DPY19L2: variants seen among roughly 807,000 people sequenced by gnomAD.
DPY19L2 encodes dpy-19 like 2, also known as probable C-mannosyltransferase DPY19L2.
Under a neutral mutation model 97.9 loss-of-function variants are expected in DPY19L2, and 34 were observed. The observed-to-expected ratio is 0.35, with a 90% confidence interval of 0.26 to 0.46. DPY19L2 has a LOEUF of 0.46. Among genes scored for constraint, DPY19L2 ranks in the 20% least tolerant of loss-of-function variants. The pLI, the probability that DPY19L2 is intolerant of heterozygous loss-of-function variation, is 1.00. For synonymous variants in DPY19L2, 230 were observed against 307.9 expected (o/e 0.75, Z 2.65); for missense variants, 623 against 911.4 (o/e 0.68, Z 4.07).
intron 16 of DPY19L2, among the ~76,000 whole-genome samples, chr12:63,588,362 C>G (rs1478938779): frequency 6.6e-6 from 1 of 152,088 alleles, no homozygotes; most frequent in Non-Finnish European, 1.5e-5. Context: ...AACAACAAAG[C>G]CTGGATGACA....
intron 10 of DPY19L2, 38 bp from the exon 11 acceptor site, chr12:63,617,428 C>T (rs1888034824): frequency 2.9e-6 from 4 of 1,382,608 alleles, no homozygotes; most frequent in Non-Finnish European, 4.0e-6. Context: ...ATGGTTATTA[C>T]ATATATTGGC....
intron 3 of DPY19L2, among the ~76,000 whole-genome samples, chr12:63,662,051 T>G (rs1175339601): frequency 6.6e-6 from 1 of 152,156 alleles, no homozygotes; most frequent in Non-Finnish European, 1.5e-5. Flanking sequence ...ACAAACGCTA[T>G]GTACTAAAAA....
chr12:63,629,438 A>G lies in DPY19L2; in HGVS notation c.804-2912T>C, dbSNP rs947857755. Among the ~76,000 whole-genome samples, 6 of 152,212 alleles carry G rather than the reference A, an allele frequency of 3.9e-5. 1 individual carries two copies. The highest frequency in any genetic ancestry group is 8.8e-5 in the Non-Finnish European group (6 of 68,024). On this transcript the variant is annotated intron_variant, in intron 6 of 21. Transcript: ENST00000324472. ...ACGAATGCACAAGCCTCAGTAGCCA[A>G]TTCGATCAACTGGAAGAAAGGGTAT...
intron 9 of DPY19L2, among the ~76,000 whole-genome samples, chr12:63,620,380 T>C (rs1466937786): frequency 1.3e-5 from 2 of 152,126 alleles, no homozygotes; most frequent in Non-Finnish European, 2.9e-5. Context: ...AAGAGCAGGA[T>C]TGGCCCTTGG....
chr12:63,639,102 GAA>G (rs1339116863), intron 6 of DPY19L2, among the ~76,000 whole-genome samples: 1 of 152,144 alleles, frequency 6.6e-6, no homozygotes, highest in East Asian at 1.9e-4. Context: ...AAGCAATGCG[GAA>G]AGGATTCCCT....
chr12:63,624,716 T>C (rs2137840083), intron 7 of DPY19L2, among the ~76,000 whole-genome samples: 1 of 152,288 alleles, frequency 6.6e-6, no homozygotes, highest in Middle Eastern at 3.4e-3. Flanking sequence ...GTAATAAAGG[T>C]ATTAAATTTT....
chr12:63,642,006 T>C (rs7975188), intron 6 of DPY19L2, among the ~76,000 whole-genome samples: 12,193 of 152,188 alleles, frequency 0.08, 772 homozygotes, highest in African/African-American at 0.17. Context: ...TTATGACTAA[T>C]GATGGTGGAC....
At chr12:63,574,837 G>C (rs1879523697) in intron 19 of DPY19L2, among the ~76,000 whole-genome samples, 1 of 151,962 alleles carries the variant, frequency 6.6e-6, no homozygotes. Context: ...AAAAGAGAGA[G>C]ACAGATCCCT....
intron 11 of DPY19L2, among the ~76,000 whole-genome samples, chr12:63,615,131 T>G (rs1887635884): frequency 6.6e-6 from 1 of 152,168 alleles, no homozygotes; most frequent in Non-Finnish European, 1.5e-5. Flanking sequence ...AAGATGTTAA[T>G]TTCAATTAAC....
At chr12:63,657,859 T>C (rs1301825794) in intron 4 of DPY19L2, among the ~76,000 whole-genome samples, 1 of 152,182 alleles carries the variant, frequency 6.6e-6, no homozygotes, top group African/African-American at 2.4e-5. Flanking sequence ...AATTTCTGGT[T>C]TAACCTTTGT....
chr12:63,601,767 T>C (rs1885229281), intron 12 of DPY19L2, among the ~76,000 whole-genome samples: 1 of 152,048 alleles, frequency 6.6e-6, no homozygotes, highest in Non-Finnish European at 1.5e-5. Context: ...AGGCATTATT[T>C]CTGGAAAGGA....
At chr12:63,662,982 A>G (rs1248098923) in intron 3 of DPY19L2, among the ~76,000 whole-genome samples, 1 of 152,222 alleles carries the variant, frequency 6.6e-6, no homozygotes, top group East Asian at 1.9e-4. Context: ...GGATGTGGAC[A>G]GTGGTAATAG....
At chr12:63,653,734 A>G (rs1894590229) in intron 4 of DPY19L2, among the ~76,000 whole-genome samples, 1 of 152,164 alleles carries the variant, frequency 6.6e-6, no homozygotes, top group Non-Finnish European at 1.5e-5. Flanking sequence ...AACTTTGAAC[A>G]TTATACTTTG....
At chr12:63,668,717 C>G, upstream of DPY19L2, 1 of 342,170 alleles carries the variant, frequency 2.9e-6, no homozygotes, top group East Asian at 7.1e-5. Context: ...CCTGCAGCCT[C>G]CGGTGCGCGC....
chr12:63,641,060 T>C (rs1892617799), intron 6 of DPY19L2, among the ~76,000 whole-genome samples: 1 of 151,900 alleles, frequency 6.6e-6, no homozygotes, highest in Admixed American at 6.6e-5. Flanking sequence ...GCCCGGCTAA[T>C]TTTTTGTTGT....
intron 6 of DPY19L2, among the ~76,000 whole-genome samples, chr12:63,629,362 A>G (rs1472802910): frequency 1.3e-5 from 2 of 151,978 alleles, no homozygotes; most frequent in African/African-American, 4.8e-5. Context: ...AATGCAGAGA[A>G]GTCCTTAAAG....
intron 4 of DPY19L2, among the ~76,000 whole-genome samples, chr12:63,658,450 C>T (rs1280162484): frequency 1.3e-5 from 2 of 152,174 alleles, no homozygotes; most frequent in Non-Finnish European, 2.9e-5. Flanking sequence ...GCCGAGATCA[C>T]GCCACTGCAC....
chr12:63,594,491 G>GTGTGTGTGTGTGTGTGTA (rs58963302), intron 15 of DPY19L2, among the ~76,000 whole-genome samples: 2,062 of 144,206 alleles, frequency 0.014, 101 homozygotes, highest in African/African-American at 0.052. Context: ...GTGTGTGTGT[G>GTGTGTGTGTGTGTGTGTA]TATGAAACTT....
At chr12:63,562,898 T>A (rs1201118368) in intron 21 of DPY19L2, among the ~76,000 whole-genome samples, 3 of 151,738 alleles carry the variant, frequency 2.0e-5, no homozygotes, top group Non-Finnish European at 4.4e-5. Context: ...TAGGTTCAAG[T>A]AATTATCCTG....
Sources: allele counts gnomAD v4.1 joint callset (sites outside exome capture counted in the v4.1 genomes callset), GRCh38; gene constraint gnomAD v4.1.1; transcripts MANE v1.5; gene names NCBI Gene and HGNC (gene_info 2026-07-23, HGNC 2026-07-21).